Variants in PAK3 observed in about 807,000 individuals in gnomAD.
PAK3 encodes the protein p21 (RAC1) activated kinase 3.
A neutral mutation model predicts 41.0 loss-of-function variants in PAK3; 4 were observed. The observed-to-expected ratio is 0.10, with a 90% CI of 0.05 to 0.22. The LOEUF is 0.22. PAK3 is among the 10% of genes least tolerant of loss of function. The probability of loss-of-function intolerance (pLI) is 1.00; values close to 1 mark genes in which losing one functional copy is unlikely to be tolerated. For synonymous variants in PAK3, 146 were observed against 139.6 expected (o/e 1.05, Z -0.32); for missense variants, 205 against 409.9 (o/e 0.50, Z 4.32).
chrX:111,190,009 A>G (rs866105454), intron 11 of PAK3, among the ~76,000 whole-genome samples: 1 of 112,063 alleles, frequency 8.9e-6, no homozygotes, highest in Admixed American at 9.5e-5. Flanking sequence ...TTGTTCATTC[A>G]ACAAATATTT....
Position 111,223,398 on chromosome X carries a change from A to G in PAK3, c.*2951A>G, listed in dbSNP as rs1261771880. The G allele has an allele frequency of 9.3e-6, 1 of 107,078 alleles. No homozygotes were observed. The highest frequency in any genetic ancestry group is 1.9e-5 in the Non-Finnish European group (1 of 51,980). The allele number at this position is 107,078 out of a possible 1,213,427, so 8.8% of individuals were successfully genotyped here. A position where few individuals can be genotyped will look rare whatever the true frequency, so the allele number is the denominator to read the frequency against. ...ATTTTCAGATGACACAATCCCCTCA[A>G]ATCAGTCACCATGTTGGGTAATGAC... On this transcript the variant is annotated 3_prime_UTR_variant, in exon 18 of 18. Transcript: ENST00000372007.
chrX:111,195,791 T>C (rs1461602676), intron 14 of PAK3, 51 bp from the exon 15 acceptor site: 4 of 757,185 alleles, frequency 5.3e-6, no homozygotes, highest in South Asian at 4.3e-5. Context: ...TAAAACTTAG[T>C]ATTAAAAATT....
intron 1 of PAK3, among the ~76,000 whole-genome samples, chrX:111,042,543 C>A (rs2092461643): frequency 8.9e-6 from 1 of 111,753 alleles, no homozygotes; most frequent in Admixed American, 9.5e-5. Flanking sequence ...CAAGGCCAGC[C>A]CTGCTCGCCA....
chrX:111,066,398 T>A (rs535515891), intron 1 of PAK3, among the ~76,000 whole-genome samples: 1 of 112,418 alleles, frequency 8.9e-6, no homozygotes, highest in Middle Eastern at 4.6e-3. Context: ...TGGCATTGAT[T>A]TTTATTTTGA....
intron 1 of PAK3, among the ~76,000 whole-genome samples, chrX:111,030,215 G>T (rs73537197): frequency 0.02 from 2,195 of 109,118 alleles, 62 homozygotes; most frequent in African/African-American, 0.069. Context: ...TATCTTTTTG[G>T]TTTTTTTTTA....
chrX:111,160,460 T>G, intron 8 of PAK3, among the ~76,000 whole-genome samples: 1 of 110,452 alleles, frequency 9.1e-6, no homozygotes, highest in Middle Eastern at 4.8e-3. Flanking sequence ...TATTTTATTT[T>G]ATTTTATTTT....
rs780019498 is a variant in PAK3, at chrX:111,226,413, T to C, written c.*5966T>C. ...AAACACACTGTCACACTTGCTAGAA[T>C]ATAACTGTACTTGAGCTTCTCCTTT... On this transcript the variant is annotated 3_prime_UTR_variant, in exon 18 of 18. Coordinates refer to ENST00000372007, the MANE Select transcript of PAK3 (RefSeq NM_002578.5). The C allele has an allele frequency of 9.9e-5, 11 of 111,658 alleles. No homozygotes were observed. The highest frequency in any genetic ancestry group is 5.7e-4 in the Admixed American group (6 of 10,455). The allele number at this position is 111,658 out of a possible 1,213,427, so 9.2% of individuals were successfully genotyped here. A position where few individuals can be genotyped will look rare whatever the true frequency, so the allele number is the denominator to read the frequency against.
intron 1 of PAK3, among the ~76,000 whole-genome samples, chrX:111,058,232 G>A (rs889695645): frequency 1.8e-5 from 2 of 111,783 alleles, no homozygotes; most frequent in African/African-American, 6.5e-5. Flanking sequence ...GTGACTCTAT[G>A]TTTAACATTT....
chrX:111,111,763 C>T (rs1305188500), intron 4 of PAK3, among the ~76,000 whole-genome samples: 2 of 111,786 alleles, frequency 1.8e-5, no homozygotes, highest in Non-Finnish European at 3.8e-5. Flanking sequence ...CTTGCAAAAA[C>T]CATTAGGCCA....
At chrX:111,080,959 A>G (rs1369025270) in intron 1 of PAK3, among the ~76,000 whole-genome samples, 1 of 111,722 alleles carries the variant, frequency 9.0e-6, no homozygotes, top group African/African-American at 3.3e-5. Flanking sequence ...AGGACATTAT[A>G]TTAAAGGAAA....
intron 1 of PAK3, among the ~76,000 whole-genome samples, chrX:110,987,756 G>A (rs1193437900): frequency 1.8e-5 from 2 of 111,734 alleles, no homozygotes; most frequent in Non-Finnish European, 3.8e-5. Context: ...TATCTGATCT[G>A]GAATTTGACT....
intron 8 of PAK3, 44 bp downstream of exon 8, chrX:111,152,491 A>G: frequency 5.3e-6 from 5 of 937,306 alleles, no homozygotes; most frequent in Non-Finnish European, 7.7e-6. Context: ...TGGTGTTTCC[A>G]AAGATTTAAG....
chrX:111,201,526 CT>C (rs750345850), intron 16 of PAK3, among the ~76,000 whole-genome samples: 159 of 111,277 alleles, frequency 1.4e-3, no homozygotes, highest in African/African-American at 4.9e-3. Flanking sequence ...CTATTGTGTG[CT>C]TTGAGGTGGA....
intron 1 of PAK3, among the ~76,000 whole-genome samples, chrX:110,954,830 G>A (rs1410853041): frequency 9.0e-6 from 1 of 111,521 alleles, no homozygotes; most frequent in Non-Finnish European, 1.9e-5. Context: ...TCATGGGAAT[G>A]TGGAACATAC....
intron 16 of PAK3, among the ~76,000 whole-genome samples, chrX:111,197,050 G>A (rs1352004781): frequency 9.1e-6 from 1 of 109,746 alleles, no homozygotes; most frequent in African/African-American, 3.3e-5. Context: ...GTACCCAACA[G>A]GTAGTTTTTA....
intron 1 of PAK3, among the ~76,000 whole-genome samples, chrX:110,961,878 G>A (rs2090985937): frequency 8.9e-6 from 1 of 112,056 alleles, no homozygotes; most frequent in South Asian, 3.7e-4. Context: ...TTGTTTCTGA[G>A]TCATTAATTT....
At chrX:110,972,913 G>A (rs186290242) in intron 1 of PAK3, among the ~76,000 whole-genome samples, 1,896 of 111,604 alleles carry the variant, frequency 0.017, 37 homozygotes, top group African/African-American at 0.057. Flanking sequence ...ACTTCGTGAC[G>A]CATGCACAAG....
chrX:111,214,364 C>T (rs926934063), intron 16 of PAK3, among the ~76,000 whole-genome samples: 28 of 111,388 alleles, frequency 2.5e-4, no homozygotes, highest in African/African-American at 8.8e-4. Context: ...AGGTTCTGTT[C>T]CCAGAGGTTT....
chrX:111,180,230 T>A (rs1160101690), intron 11 of PAK3, among the ~76,000 whole-genome samples: 1 of 111,895 alleles, frequency 8.9e-6, no homozygotes, highest in East Asian at 2.8e-4. Context: ...GTTGCATCTA[T>A]TATTGTTTAT....
Sources: allele counts gnomAD v4.1 joint callset (sites outside exome capture counted in the v4.1 genomes callset), GRCh38; gene constraint gnomAD v4.1.1; transcripts MANE v1.5; gene names NCBI Gene and HGNC (gene_info 2026-07-23, HGNC 2026-07-21).